Variants in EGFLAM observed in about 807,000 individuals in gnomAD.
EGFLAM encodes the protein EGF like, fibronectin type III and laminin G domains.
Under a neutral mutation model 113.1 loss-of-function variants are expected in EGFLAM, and 79 were observed. The observed-to-expected ratio is 0.70, with a 90% CI of 0.58 to 0.84. The LOEUF is 0.84. EGFLAM is among the 40% of genes least tolerant of loss of function. The pLI is 0.00. For synonymous variants in EGFLAM, 504 were observed against 487.6 expected (o/e 1.03, Z -0.44); for missense variants, 1,265 against 1,291.6 (o/e 0.98, Z 0.32).
chr5:38,392,635 G>GA (rs1011866906), intron 6 of EGFLAM, among the ~76,000 whole-genome samples: 9 of 150,868 alleles, frequency 6.0e-5, no homozygotes, highest in African/African-American at 2.2e-4. Flanking sequence ...TTTTTGGGGG[G>GA]GCGGTTCTCA....
At chr5:38,438,543 G>T in intron 17 of EGFLAM, 88 bp downstream of exon 17, 11 of 1,309,472 alleles carry the variant, frequency 8.4e-6, no homozygotes, top group Non-Finnish European at 1.1e-5. Context: ...TAATGGAAGA[G>T]TTGTAACAGT....
chr5:38,381,217 G>A lies in EGFLAM; in HGVS notation c.712+10755G>A, dbSNP rs554889619. Among the ~76,000 whole-genome samples the A allele has an allele frequency of 9.2e-4, 140 of 151,874 alleles. No individual in the cohort carries two copies. The Middle Eastern group carries it at 0.01, about 11-fold the overall frequency. The stretch of plus-strand genomic sequence containing the variant: ...CTAATCTTTTCTGTTCTTTCCTTTG[G>A]AGCATTTCTTGCTTTTATATAGTTC... On this transcript the variant is annotated intron_variant, in intron 6 of 21. Coordinates refer to ENST00000322350, the MANE Select transcript of EGFLAM (RefSeq NM_152403.4).
chr5:38,306,992 G>C (rs1023235168), intron 1 of EGFLAM, among the ~76,000 whole-genome samples: 1 of 152,190 alleles, frequency 6.6e-6, no homozygotes, highest in Admixed American at 6.5e-5. Flanking sequence ...CCCCGGCTGA[G>C]CTTCTAGCCA....
intron 6 of EGFLAM, chr5:38,403,999 T>C: frequency 6.3e-7 from 1 of 1,598,230 alleles, no homozygotes; most frequent in Non-Finnish European, 8.5e-7. Context: ...TCCCCTTTGT[T>C]ATCCCACCTC....
intron 1 of EGFLAM, chr5:38,285,704 G>A (rs1758143655): frequency 6.6e-6 from 1 of 152,462 alleles, no homozygotes; most frequent in Non-Finnish European, 1.5e-5. Context: ...TGCATGGCTG[G>A]GGAGGCCTCA....
At chr5:38,396,512 A>G (rs1579865941) in intron 6 of EGFLAM, among the ~76,000 whole-genome samples, 1 of 152,226 alleles carries the variant, frequency 6.6e-6, no homozygotes, top group African/African-American at 2.4e-5. Context: ...CGTATAGAAA[A>G]CATTCACTCA....
At chr5:38,338,599 C>T (rs143775393) in intron 2 of EGFLAM, 99 bp from the exon 3 acceptor site, 104 of 1,118,686 alleles carry the variant, frequency 9.3e-5, no homozygotes, top group African/African-American at 6.0e-4. Flanking sequence ...TGTTAGGCAA[C>T]GCACCTCAGA....
chr5:38,337,474 TG>T, intron 1 of EGFLAM, 45 bp from the exon 2 acceptor site: 1 of 1,500,854 alleles, frequency 6.7e-7, no homozygotes, highest in Non-Finnish European at 9.1e-7. Flanking sequence ...ATACTCAAGG[TG>T]GGATGTGTGG....
rs534947725 is a variant in EGFLAM, at chr5:38,321,498, G to T, written c.98-16022G>T. Among the ~76,000 whole-genome samples, 117 of 152,314 alleles carry T rather than the reference G, an allele frequency of 7.7e-4. 1 individual carries two copies. The highest frequency in any genetic ancestry group is 2.6e-3 in the African/African-American group (109 of 41,554). ...TGGTGACAGAAACAGGTCACACTGT[G>T]CAGGCTCCCACACAGAGTAGGTACT... On this transcript the variant is annotated intron_variant, in intron 1 of 21. Transcript: ENST00000322350.
At chr5:38,367,762 A>G (rs368729800) in intron 5 of EGFLAM, among the ~76,000 whole-genome samples, 1 of 152,216 alleles carries the variant, frequency 6.6e-6, no homozygotes, top group Non-Finnish European at 1.5e-5. Flanking sequence ...TTGCCTGGTC[A>G]TCTCTTTCTC....
chr5:38,278,808 T>G (rs1433235009), intron 1 of EGFLAM, among the ~76,000 whole-genome samples: 1 of 152,054 alleles, frequency 6.6e-6, no homozygotes, highest in African/African-American at 2.4e-5. Context: ...TGATTTTTTT[T>G]TTTTGATGTA....
intron 1 of EGFLAM, among the ~76,000 whole-genome samples, chr5:38,322,177 T>A: frequency 6.6e-6 from 1 of 152,148 alleles, no homozygotes; most frequent in East Asian, 1.9e-4. Flanking sequence ...CCACTGCCCG[T>A]CCTGGAGCAC....
chr5:38,417,282 A>G (rs1308222265), intron 11 of EGFLAM, among the ~76,000 whole-genome samples: 3 of 130,666 alleles, frequency 2.3e-5, no homozygotes, highest in Non-Finnish European at 4.7e-5. Flanking sequence ...TGGGAGGCGG[A>G]GGTTACGGTG....
rs574823841 is a variant in EGFLAM, at chr5:38,464,329, AAGAG to A, written c.*355_*358del. On this transcript the variant is annotated 3_prime_UTR_variant, in exon 22 of 22. Transcript: ENST00000322350. The stretch of plus-strand genomic sequence containing the variant: ...GTGTTGTGATTCATAGTACATTAAA[AAGAG>A]AGAGAGAGAGAAAGAATCCCACAGG... The A allele has an allele frequency of 4.4e-6, 1 of 224,804 alleles. No homozygotes were observed. Among genetic ancestry groups the A allele is most frequent in the Non-Finnish European group, 8.8e-6 (1 of 114,076 alleles). 13.9% of individuals were successfully genotyped at this position (224,804 alleles called of 1,614,324 possible). A position where few individuals can be genotyped will look rare whatever the true frequency, so the allele number is the denominator to read the frequency against.
intron 6 of EGFLAM, among the ~76,000 whole-genome samples, chr5:38,394,930 A>G (rs1326019079): frequency 6.6e-6 from 1 of 151,800 alleles, no homozygotes; most frequent in Non-Finnish European, 1.5e-5. Context: ...TTAATTGAAT[A>G]TAGGGTTTTT....
intron 1 of EGFLAM, among the ~76,000 whole-genome samples, chr5:38,264,528 C>T (rs1247990208): frequency 1.3e-5 from 2 of 152,184 alleles, no homozygotes; most frequent in Non-Finnish European, 2.9e-5. Flanking sequence ...TAGTGTGAGG[C>T]TGAATGGCTA....
chr5:38,299,375 C>T (rs1249884979), intron 1 of EGFLAM, among the ~76,000 whole-genome samples: 3 of 152,152 alleles, frequency 2.0e-5, no homozygotes, highest in Admixed American at 6.5e-5. Flanking sequence ...ATTCAGGACA[C>T]TGTGGCAAGA....
chr5:38,373,036 C>T lies in EGFLAM; in HGVS notation c.712+2574C>T, dbSNP rs1740264812. Among the ~76,000 whole-genome samples, 3 of 152,190 alleles carry T rather than the reference C, an allele frequency of 2.0e-5. No individual in the cohort carries two copies. In the South Asian group the frequency reaches 6.2e-4, roughly 32 times the overall value. ...TTTAATTTAACAAATTAACAAATTACTTCAAATTAATAAATTTCAAATAAT... is the reference window on the plus strand; with the variant it reads ...TTTAATTTAACAAATTAACAAATTATTTCAAATTAATAAATTTCAAATAAT... On this transcript the variant is annotated intron_variant, in intron 6 of 21. Coordinates refer to ENST00000322350, the MANE Select transcript of EGFLAM (RefSeq NM_152403.4).
At chr5:38,449,444 G>A (rs1315874280) in intron 18 of EGFLAM, among the ~76,000 whole-genome samples, 4 of 152,192 alleles carry the variant, frequency 2.6e-5, no homozygotes, top group African/African-American at 7.2e-5. Flanking sequence ...CCAGCCAAGA[G>A]AGACCGTCCT....
Sources: gnomAD v4.1 joint callset for allele counts (sites outside exome capture counted in the v4.1 genomes callset) on GRCh38, gnomAD v4.1.1 for gene constraint, MANE v1.5 for transcripts, NCBI Gene and HGNC (gene_info 2026-07-23, HGNC 2026-07-21) for gene names.